Variants in IPP observed in about 807,000 individuals in gnomAD.
The protein encoded by IPP is actin-binding protein IPP.
In IPP, 41 loss-of-function variants were observed where a neutral mutation model predicts 64.1. That is an observed-to-expected ratio of 0.64 (90% CI 0.50 to 0.83). The LOEUF (loss-of-function observed/expected upper bound fraction) is 0.83, where lower values mean the gene tolerates loss of function less well. Ranked by LOEUF, IPP falls within the 40% of genes least tolerant of loss-of-function variation. IPP has a pLI of 0.00. For synonymous variants in IPP, 214 were observed against 235.2 expected, an observed-to-expected ratio of 0.91 and a Z score of 0.83; for missense variants, 649 against 703.0, an observed-to-expected ratio of 0.92 and a Z score of 0.87.
chr1:45,718,796 A>G (rs1197579016), intron 6 of IPP, among the ~76,000 whole-genome samples: 2 of 152,098 alleles, frequency 1.3e-5, no homozygotes, highest in Non-Finnish European at 2.9e-5. Context: ...TAAAAATCAA[A>G]ACAATTGAAC....
chr1:45,699,820 C>T lies in IPP; in HGVS notation c.*146G>A, dbSNP rs185884651. 24 of 1,446,938 alleles carry T rather than the reference C, an allele frequency of 1.7e-5. No individual in the cohort carries two copies. The highest frequency in any genetic ancestry group is 2.9e-5 in the African/African-American group (2 of 69,912). The allele number at this position is 1,446,938 out of a possible 1,614,324, so 89.6% of individuals were successfully genotyped here. A position where few individuals can be genotyped will look rare whatever the true frequency, so the allele number is the denominator to read the frequency against. ...TGGGATTATAGGCATGAGGCCACTG[C>T]GCCCAGCCTCGTTAGTCATTTATCT... On this transcript the variant is annotated 3_prime_UTR_variant, in exon 9 of 9. Coordinates refer to ENST00000396478, the MANE Select transcript of IPP (RefSeq NM_005897.3).
intron 7 of IPP, among the ~76,000 whole-genome samples, chr1:45,716,645 G>A (rs993062247): frequency 3.3e-5 from 5 of 152,192 alleles, no homozygotes; most frequent in African/African-American, 1.2e-4. Flanking sequence ...TATTGTGCTA[G>A]TCAGATATTC....
At chr1:45,745,962 A>G (rs973850193) in intron 2 of IPP, among the ~76,000 whole-genome samples, 158 bp downstream of exon 2, 15 of 152,216 alleles carry the variant, frequency 9.9e-5, no homozygotes, top group African/African-American at 3.6e-4. Flanking sequence ...TCAGATTCCT[A>G]GAAAAGGAGC....
chr1:45,743,289 G>A (rs1014911964), intron 2 of IPP, among the ~76,000 whole-genome samples: 1 of 149,918 alleles, frequency 6.7e-6, no homozygotes. Context: ...CCAGGCTAGA[G>A]TACAGTGGCA....
intron 5 of IPP, among the ~76,000 whole-genome samples, chr1:45,724,776 C>T (rs866805768): frequency 7.1e-4 from 106 of 149,638 alleles, no homozygotes; most frequent in African/African-American, 2.5e-3. Flanking sequence ...GGAGCCCCTC[C>T]GCCCGGCAGC....
chr1:45,739,326 T>G lies in IPP; in HGVS notation c.724+1575A>C, dbSNP rs114502010. ...CTGGCTCAATGTAGCCTTGACCTCC[T>G]GGACTCAGGTGATCCTCCCACCTCA... On this transcript the variant is annotated intron_variant, in intron 3 of 8. Coordinates refer to ENST00000396478, the MANE Select transcript of IPP (RefSeq NM_005897.3). Among the ~76,000 whole-genome samples, 1,028 of 151,822 alleles carry G rather than the reference T, an allele frequency of 6.8e-3. 12 individuals are homozygous for G. The highest frequency in any genetic ancestry group is 0.024 in the African/African-American group (989 of 41,416).
At chr1:45,694,370 AAT>A, downstream of IPP, 1 of 928,656 alleles carries the variant, frequency 1.1e-6, no homozygotes, top group African/African-American at 1.6e-5. Context: ...TTTTATGAAT[AAT>A]ATAGTTATCC....
chr1:45,708,257 G>C (rs1023718147), intron 8 of IPP, among the ~76,000 whole-genome samples: 3 of 151,304 alleles, frequency 2.0e-5, no homozygotes, highest in Non-Finnish European at 3.0e-5. Flanking sequence ...GCAGAGACAG[G>C]GTTTCACTGT....
chr1:45,735,968 G>T (rs528489161), intron 3 of IPP, among the ~76,000 whole-genome samples: 1 of 151,660 alleles, frequency 6.6e-6, no homozygotes, highest in Admixed American at 6.6e-5. Context: ...AAAATTATCC[G>T]GGCGTGGTGG....
rs558740156 is a variant in IPP, at chr1:45,714,134, A to G, written c.1530+112T>C. 2.0e-4 allele frequency: 149 copies of G among 730,108 alleles called. No individual in the cohort carries two copies. The South Asian group carries it at 2.8e-3, about 14-fold the overall frequency. 45.2% of individuals were successfully genotyped at this position (730,108 alleles called of 1,614,324 possible). A position where few individuals can be genotyped will look rare whatever the true frequency, so the allele number is the denominator to read the frequency against. On this transcript the variant is annotated intron_variant, in intron 8 of 8. Transcript: ENST00000396478. ...TTCTTCTTTGGAAAGAAAAAAGGGG[A>G]AAAAAATCCACGAATGATCAATATC...
At chr1:45,698,277 A>G (rs1205966792), downstream of IPP, among the ~76,000 whole-genome samples, 1 of 152,172 alleles carries the variant, frequency 6.6e-6, no homozygotes, top group Non-Finnish European at 1.5e-5. Flanking sequence ...GGGCAACAAG[A>G]GCAAAATTCC....
chr1:45,745,973 A>C, intron 2 of IPP, 147 bp downstream of exon 2: 1 of 612,050 alleles, frequency 1.6e-6, no homozygotes, highest in East Asian at 2.8e-5. Flanking sequence ...GAAAAGGAGC[A>C]CCGGGTCATA....
downstream of IPP, among the ~76,000 whole-genome samples, chr1:45,695,700 A>G (rs925515738): frequency 1.3e-5 from 2 of 149,884 alleles, no homozygotes; most frequent in Admixed American, 1.3e-4. Flanking sequence ...ATGGAGTTTC[A>G]CTCTTGTTGC....
chr1:45,740,772 GAA>G lies in IPP; in HGVS notation c.724+127_724+128del, dbSNP rs767026897. The G allele has an allele frequency of 4.4e-4, 247 of 563,512 alleles. 1 individual carries two copies. Among genetic ancestry groups the G allele is most frequent in the African/African-American group, 4.0e-3 (208 of 51,866 alleles). 34.9% of individuals were successfully genotyped at this position (563,512 alleles called of 1,614,324 possible). A position where few individuals can be genotyped will look rare whatever the true frequency, so the allele number is the denominator to read the frequency against. On this transcript the variant is annotated intron_variant, in intron 3 of 8. Transcript: ENST00000396478. ...AATCATTCAATACATTTTAAAAAAA[GAA>G]AAAAAAAGAGTAATCATTCAATAAA... is the stretch of plus-strand genomic sequence containing the variant.
chr1:45,728,389 A>G, intron 4 of IPP, among the ~76,000 whole-genome samples: 1 of 151,976 alleles, frequency 6.6e-6, no homozygotes, highest in East Asian at 1.9e-4. Flanking sequence ...AAATTATCTC[A>G]TACATAAGGT....
downstream of IPP, among the ~76,000 whole-genome samples, chr1:45,697,608 TTCTA>T (rs1645398517): frequency 6.6e-6 from 1 of 152,164 alleles, no homozygotes; most frequent in Non-Finnish European, 1.5e-5. Flanking sequence ...ATTAAAAGTT[TTCTA>T]TCTAAATAAG....
chr1:45,741,381 G>T, intron 2 of IPP, 49 bp from the exon 3 acceptor site: 1 of 1,252,542 alleles, frequency 8.0e-7, no homozygotes, highest in South Asian at 1.4e-5. Flanking sequence ...AACAAACATT[G>T]GCTTACCATA....
chr1:45,735,507 C>T (rs1399331966), intron 3 of IPP, among the ~76,000 whole-genome samples: 3 of 91,530 alleles, frequency 3.3e-5, no homozygotes, highest in African/African-American at 4.3e-5. Context: ...GGGTCTCATT[C>T]TCTAACCCAG....
chr1:45,707,366 T>C (rs1394427878), intron 8 of IPP, among the ~76,000 whole-genome samples: 1 of 134,306 alleles, frequency 7.4e-6, no homozygotes, highest in African/African-American at 2.9e-5. Flanking sequence ...GAGCTTGCAA[T>C]GAGCCAAGAT....
Sources: gnomAD v4.1 joint callset for allele counts (sites outside exome capture counted in the v4.1 genomes callset) on GRCh38, gnomAD v4.1.1 for gene constraint, MANE v1.5 for transcripts, NCBI Gene and HGNC (gene_info 2026-07-23, HGNC 2026-07-21) for gene names.